MYO15B: variants seen among roughly 807,000 people sequenced by gnomAD.
MYO15B encodes myosin XVB pseudogene.
A neutral mutation model predicts 119.3 loss-of-function variants in MYO15B; 207 were observed. The observed-to-expected ratio is 1.73, with a 90% CI of 1.55 to 1.95. The LOEUF (loss-of-function observed/expected upper bound fraction) is 1.95, where lower values mean the gene tolerates loss of function less well. MYO15B is among the 30% of genes most tolerant of loss of function. MYO15B has a pLI of 0.00. For missense variants in MYO15B, 2,264 were observed against 1,203.1 expected, an observed-to-expected ratio of 1.88 and a Z score of -13.04; for synonymous variants, 966 against 498.9, an observed-to-expected ratio of 1.94 and a Z score of -12.48.
chr17:75,615,072 G>A, intron 33 of MYO15B, 30 bp downstream of exon 33: 1 of 698,190 alleles, frequency 1.4e-6, no homozygotes, highest in Non-Finnish European at 2.6e-6. Context: ...CTCACCCAGG[G>A]CCTCCGGGCC....
chr17:75,616,432 T>A, exon 38 of MYO15B: 1 of 622,632 alleles, frequency 1.6e-6, no homozygotes, highest in Non-Finnish European at 2.9e-6. Flanking sequence ...GAGCAAGAAG[T>A]GGAAACAAGA....
exon 26 of MYO15B, chr17:75,612,876 C>T: frequency 1.4e-6 from 1 of 702,544 alleles, no homozygotes; most frequent in Non-Finnish European, 2.6e-6. Context: ...TCAGCGTGCC[C>T]TGGACATCAA....
exon 23 of MYO15B, chr17:75,610,918 T>C: frequency 1.4e-6 from 1 of 703,068 alleles, no homozygotes; most frequent in Non-Finnish European, 2.6e-6. Flanking sequence ...TTGGCAGGGC[T>C]GGCATAGCAG....
In MYO15B at chr17:75,620,229, C is replaced by T. The variant is rs771206827; in HGVS notation, c.7444-17C>T. ...AGGCAGACTTGCTGCTCCAGGCCCT[C>T]GCCTGCTTGCCCACAGGACTCCGGC... On this transcript the variant is annotated splice_polypyrimidine_tract_variant and intron_variant, in intron 47 of 63. Transcript: ENST00000645453. 31 of 702,360 alleles carry T rather than the reference C, an allele frequency of 4.4e-5. No individual in the cohort carries two copies. Among genetic ancestry groups the T allele is most frequent in the Middle Eastern group, 2.4e-4 (1 of 4,152 alleles). 43.5% of individuals were successfully genotyped at this position (702,360 alleles called of 1,614,324 possible). A position where few individuals can be genotyped will look rare whatever the true frequency, so the allele number is the denominator to read the frequency against.
rs192554995 is a variant in MYO15B at position 75,610,953 on chromosome 17, A to G, written c.4440A>G (p.Pro1480=). ...GCGAAAGGGCCTTGGAGAGAGTGCCAAGCATGGTAGGTGGCCTGGAAAGTG... is the reference window on the plus strand; with the variant it reads ...GCGAAAGGGCCTTGGAGAGAGTGCCGAGCATGGTAGGTGGCCTGGAAAGTG... The change falls in exon 23 of 64, where the codon CCA becomes CCG. Residue 1480 remains proline (P), a synonymous_variant. Coordinates refer to ENST00000645453, the Ensembl canonical transcript of MYO15B. 1,006 of 702,972 alleles carry G rather than the reference A, an allele frequency of 1.4e-3. 5 individuals carry two copies. The Middle Eastern group carries it at 0.025, about 17-fold the overall frequency. 43.5% of individuals were successfully genotyped at this position (702,972 alleles called of 1,614,324 possible).
rs78553419 is a variant in MYO15B at position 75,589,478 on chromosome 17, G to C, written c.1421G>C (p.Gly474Ala). Residue 474 changes from glycine to alanine, a missense_variant, in exon 1 of 64, where the codon GGT becomes GCT. Gly to Ala is a moderately conservative substitution (Grantham distance 60, BLOSUM62 0). Transcript: ENST00000645453. This position sits in a 1 kb window ranked among gnomAD's most constrained non-coding sequence, Gnocchi z 4.2. ...GACGAGGGGCGGGGTCACGAGAGAG[G>C]TGACGAGGGCCGGGACCACCAGAGA... is the stretch of plus-strand genomic sequence containing the variant. 0.086 allele frequency: 34,355 copies of C among 397,540 alleles called. 1,678 individuals are homozygous for C. Among genetic ancestry groups the C allele is most frequent in the Middle Eastern group, 0.15 (240 of 1,590 alleles). 24.6% of individuals were successfully genotyped at this position (397,540 alleles called of 1,614,324 possible). A position where few individuals can be genotyped will look rare whatever the true frequency, so the allele number is the denominator to read the frequency against.
intron 4 of MYO15B, 97 bp downstream of exon 4, chr17:75,591,343 C>G: frequency 1.5e-6 from 1 of 662,718 alleles, no homozygotes; most frequent in Admixed American, 2.1e-5. Context: ...CTGGTATGCT[C>G]CACTGCTGGG....
rs999955948 is a variant in MYO15B at position 75,600,985 on chromosome 17, C to A, written c.3526-453C>A. Among the ~76,000 whole-genome samples, 6 of 150,782 alleles carry A rather than the reference C, an allele frequency of 4.0e-5. No individual in the cohort carries two copies. In the South Asian group the frequency reaches 1.3e-3, roughly 32 times the overall value. Reference sequence around the variant, plus strand: ...ATGGTGCCATCGTGGCTCACTGCAACCTCCGCCTCCTGGGTTCAAGTGATT... The same window carrying A: ...ATGGTGCCATCGTGGCTCACTGCAAACTCCGCCTCCTGGGTTCAAGTGATT... On this transcript the variant is annotated intron_variant, in intron 14 of 63. Coordinates refer to ENST00000645453, the Ensembl canonical transcript of MYO15B.
exon 40 of MYO15B, chr17:75,616,887 T>G (rs1272006242): frequency 2.8e-6 from 2 of 703,014 alleles, no homozygotes; most frequent in East Asian, 5.4e-5. Context: ...TCCCAAAGCT[T>G]TCCTGAGGAA....
chr17:75,625,949 A>C, exon 62 of MYO15B: 1 of 702,518 alleles, frequency 1.4e-6, no homozygotes, highest in Non-Finnish European at 2.6e-6. Flanking sequence ...AACCGCCAGC[A>C]TCTCATCCTC....
chr17:75,599,345 G>T (rs2057090504), intron 14 of MYO15B, among the ~76,000 whole-genome samples: 1 of 151,880 alleles, frequency 6.6e-6, no homozygotes, highest in South Asian at 2.1e-4. Flanking sequence ...CGTGATCTTG[G>T]CCCACTGCAA....
At chr17:75,621,094 G>A (rs1478580271) in exon 50 of MYO15B, 1 of 702,898 alleles carries the variant, frequency 1.4e-6, no homozygotes, top group South Asian at 1.5e-5. Flanking sequence ...CCTGTCCTCT[G>A]TGGCCTATGC....
chr17:75,625,024 G>C, intron 59 of MYO15B, 99 bp from the exon 60 acceptor site: 1 of 659,976 alleles, frequency 1.5e-6, no homozygotes, highest in Non-Finnish European at 2.8e-6. Context: ...GTGGTGGCTG[G>C]GGGGTGACAG....
At position 75,602,897 on chromosome 17, in the gene MYO15B, C is replaced by T. The variant is rs186800789; in HGVS notation, c.3797C>T (p.Ala1266Val). The change falls in exon 17 of 64, where the codon GCC (alanine) becomes GTC (valine). Residue 1266 changes from alanine to valine, a missense_variant. Physicochemically the swap from Ala to Val is moderately conservative, Grantham distance 64. Transcript: ENST00000645453. ...GGAGGGCGAGGCAGACCCACGCTGGCCTCTCGCTTCCAGCAGGCCCTGGAG... is the reference window on the plus strand; with the variant it reads ...GGAGGGCGAGGCAGACCCACGCTGGTCTCTCGCTTCCAGCAGGCCCTGGAG... 2.6e-5 allele frequency: 18 copies of T among 687,614 alleles called. No homozygotes were observed. In the East Asian group the frequency reaches 4.6e-4, roughly 17 times the overall value. 42.6% of individuals were successfully genotyped at this position (687,614 alleles called of 1,614,324 possible).
chr17:75,616,140 G>A (rs2058356955), exon 37 of MYO15B: 9 of 564,582 alleles, frequency 1.6e-5, no homozygotes, highest in Non-Finnish European at 2.5e-5. Context: ...ACTATTTCCA[G>A]AGGATGGGTG....
At chr17:75,620,792 G>C in intron 49 of MYO15B, 156 bp downstream of exon 49, 1 of 701,756 alleles carries the variant, frequency 1.4e-6, no homozygotes, top group Non-Finnish European at 2.6e-6. Flanking sequence ...GGCTCGCCTT[G>C]TCTCTCCAGC....
chr17:75,610,607 C>T (rs1448653376), intron 22 of MYO15B: 4 of 543,878 alleles, frequency 7.4e-6, no homozygotes, highest in African/African-American at 3.8e-5. Context: ...TCAATGCCCA[C>T]GTGCTACCCC....
At chr17:75,603,854 T>C (rs2057446043) in intron 19 of MYO15B, among the ~76,000 whole-genome samples, 1 of 152,220 alleles carries the variant, frequency 6.6e-6, no homozygotes, top group Admixed American at 6.5e-5. Context: ...CCTTTGGCTA[T>C]TGACTGGATG....
rs2056258048 is a variant in MYO15B at position 75,589,208 on chromosome 17, TGCGGCTGCGGCG to T, written c.1157_1168del (p.Leu386_Arg389del). Reference sequence around the variant, plus strand: ...CTCCTGCGCTGGCTGCGGCGGCGGCTGCGGCTGCGGCGGCGGCCGCCAGAGGGCGAGGGGCAG... The same window carrying T: ...CTCCTGCGCTGGCTGCGGCGGCGGCTGCGGCCGCCAGAGGGCGAGGGGCAG... On this transcript the variant is annotated inframe_deletion, in exon 1 of 64. Transcript: ENST00000645453. The surrounding 1 kb of genome is among the most constrained non-coding windows in gnomAD (Gnocchi z 4.2). 3.0e-6 allele frequency: 1 copy of T among 330,614 alleles called. No individual in the cohort carries two copies. Among genetic ancestry groups the T allele is most frequent in the Non-Finnish European group, 5.3e-6 (1 of 190,418 alleles). The allele number at this position is 330,614 out of a possible 1,614,324, so 20.5% of individuals were successfully genotyped here. A position where few individuals can be genotyped will look rare whatever the true frequency, so the allele number is the denominator to read the frequency against.
Sources: gnomAD v4.1 joint callset for allele counts (sites outside exome capture counted in the v4.1 genomes callset) on GRCh38, gnomAD v4.1.1 for gene constraint, Gnocchi (gnomAD v3.1) non-coding constraint, MANE v1.5 for transcripts, NCBI Gene and HGNC (gene_info 2026-07-23, HGNC 2026-07-21) for gene names.